The following POLDIP2 variants were observed in gnomAD, a reference collection of about 807,000 sequenced individuals.
The protein encoded by POLDIP2 is polymerase delta-interacting protein 2.
Under a neutral mutation model 52.9 loss-of-function variants are expected in POLDIP2, and 32 were observed. That is an observed-to-expected ratio of 0.61 (90% CI 0.46 to 0.81). The LOEUF (loss-of-function observed/expected upper bound fraction) is 0.81. Among genes scored for constraint, POLDIP2 ranks in the 40% least tolerant of loss-of-function variants. The pLI is 0.00. For synonymous variants in POLDIP2, 183 were observed against 183.0 expected (o/e 1.00, Z 0.00); for missense variants, 371 against 477.3 (o/e 0.78, Z 2.07).
At chr17:28,350,051 G>A (rs554232339) in intron 9 of POLDIP2, among the ~76,000 whole-genome samples, 42 of 152,220 alleles carry the variant, frequency 2.8e-4, no homozygotes, top group African/African-American at 1.0e-3. Context: ...ACATGTAAAG[G>A]GGCAAAGAGG....
chr17:28,349,466 A>C (rs1555579534), intron 9 of POLDIP2, among the ~76,000 whole-genome samples: 2 of 149,418 alleles, frequency 1.3e-5, no homozygotes, highest in Non-Finnish European at 2.9e-5. Context: ...CCACAAAAAA[A>C]AAAAAAAAAA....
rs1907589491 is a variant in POLDIP2 at position 28,346,838 on chromosome 17, G to T, written c.*1279C>A. 6.6e-6 allele frequency: 1 copy of T among 152,218 alleles called. No homozygotes were observed. The highest frequency in any genetic ancestry group is 2.1e-4 in the South Asian group (1 of 4,832). The allele number at this position is 152,218 out of a possible 1,614,324, so 9.4% of individuals were successfully genotyped here. A position where few individuals can be genotyped will look rare whatever the true frequency, so the allele number is the denominator to read the frequency against. ...CTGGCAGCCTGCTGTTAACAACACA[G>T]GCCAGTATTGGGTTTTATTGAATTT... On this transcript the variant is annotated 3_prime_UTR_variant, in exon 11 of 11. Coordinates refer to ENST00000540200, the MANE Select transcript of POLDIP2 (RefSeq NM_015584.5).
chr17:28,354,473 C>T lies in POLDIP2; in HGVS notation c.341+15G>A. 1.3e-6 allele frequency: 2 copies of T among 1,535,434 alleles called. No homozygotes were observed. Among genetic ancestry groups the T allele is most frequent in the African/African-American group, 1.4e-5 (1 of 72,878 alleles). ...TCCTGAGGATACTGTGAGGCACAAC[C>T]ACAGGGAAACTTACTTTTCTGGAGC... On this transcript the variant is annotated intron_variant, in intron 3 of 10. Coordinates refer to ENST00000540200, the MANE Select transcript of POLDIP2 (RefSeq NM_015584.5).
intron 7 of POLDIP2, among the ~76,000 whole-genome samples, chr17:28,351,313 T>G (rs1907786195): frequency 6.6e-6 from 1 of 152,210 alleles, no homozygotes; most frequent in Non-Finnish European, 1.5e-5. Flanking sequence ...CTGCACATGC[T>G]TACAGCCAGG....
Position 28,355,794 on chromosome 17 carries a change from C to T in POLDIP2, c.243+1G>A. ...GAAAGATGACCCAGCCCAATACTCA[C>T]CTGCCCGGTCTCATATTTTCCATTC... On this transcript the variant is annotated splice_donor_variant, in intron 2 of 10. Coordinates refer to ENST00000540200, the MANE Select transcript of POLDIP2 (RefSeq NM_015584.5). LOFTEE classifies it high-confidence loss of function. The T allele has an allele frequency of 6.2e-7, 1 of 1,609,740 alleles. No homozygotes were observed. Among genetic ancestry groups the T allele is most frequent in the Non-Finnish European group, 8.5e-7 (1 of 1,177,466 alleles).
Position 28,353,148 on chromosome 17 carries a change from T to C in POLDIP2, c.514+93A>G, listed in dbSNP as rs533875961. 3.2e-4 allele frequency: 241 copies of C among 763,598 alleles called. No individual in the cohort carries two copies. In the African/African-American group the frequency reaches 3.8e-3, roughly 12 times the overall value. 47.3% of individuals were successfully genotyped at this position (763,598 alleles called of 1,614,324 possible). A position where few individuals can be genotyped will look rare whatever the true frequency, so the allele number is the denominator to read the frequency against. On this transcript the variant is annotated intron_variant, in intron 5 of 10. Coordinates refer to ENST00000540200, the MANE Select transcript of POLDIP2 (RefSeq NM_015584.5). ...GATATCATACCTCTCAGCATCATAA[T>C]CCCTCCCAGTGGATGACAGGACATC...
intron 1 of POLDIP2, among the ~76,000 whole-genome samples, chr17:28,356,839 A>T (rs1908060131): frequency 6.6e-6 from 1 of 152,074 alleles, no homozygotes; most frequent in African/African-American, 2.4e-5. Flanking sequence ...CAGATAGAAA[A>T]TCGATCTCCC....
Position 28,347,956 on chromosome 17 carries a change from TGAA to T in POLDIP2, c.*158_*160del. 1 of 605,316 alleles carries T rather than the reference TGAA, an allele frequency of 1.7e-6. No individual in the cohort carries two copies. Among genetic ancestry groups the T allele is most frequent in the East Asian group, 2.8e-5 (1 of 36,062 alleles). 37.5% of individuals were successfully genotyped at this position (605,316 alleles called of 1,614,324 possible). A position where few individuals can be genotyped will look rare whatever the true frequency, so the allele number is the denominator to read the frequency against. ...TTGGAGGTGTCCCACATGGGTCTTCTGAAGAAAAGTTATACCACCCCTCCCCAC... is the reference window on the plus strand; with the variant it reads ...TTGGAGGTGTCCCACATGGGTCTTCTGAAAAGTTATACCACCCCTCCCCAC... On this transcript the variant is annotated 3_prime_UTR_variant, in exon 11 of 11. Coordinates refer to ENST00000540200, the MANE Select transcript of POLDIP2 (RefSeq NM_015584.5).
At chr17:28,353,636 T>G in intron 4 of POLDIP2, 59 bp downstream of exon 4, 2 of 1,192,852 alleles carry the variant, frequency 1.7e-6, no homozygotes, top group Non-Finnish European at 2.5e-6. Flanking sequence ...TTTGTCCCCA[T>G]TGGGATGCAG....
chr17:28,349,634 C>T (rs1555579583), intron 9 of POLDIP2, among the ~76,000 whole-genome samples: 1 of 151,824 alleles, frequency 6.6e-6, no homozygotes, highest in African/African-American at 2.4e-5. Context: ...TCTCTAAAAA[C>T]AAAGGACCTC....
chr17:28,353,697 T>C lies in POLDIP2; in HGVS notation c.436A>G (p.Ile146Val), dbSNP rs1385097288. 1.4e-5 allele frequency: 23 copies of C among 1,607,308 alleles called. No homozygotes were observed. Among genetic ancestry groups the C allele is most frequent in the East Asian group, 6.7e-5 (3 of 44,766 alleles). ...VLIDARDCPH[I>V]SQRSQTEAVT... ...GCCCAGCCATCTTGCTTACTTACTATATGTGGGCAGTCACGAGCATCAATC... is the reference window on the plus strand; with the variant it reads ...GCCCAGCCATCTTGCTTACTTACTACATGTGGGCAGTCACGAGCATCAATC... The change falls in exon 4 of 11, where the codon ATA becomes GTA. Residue 146 changes from isoleucine to valine, a missense_variant and splice_region_variant. Transcript: ENST00000540200.
chr17:28,352,483 G>A lies in POLDIP2; in HGVS notation c.622+429C>T, dbSNP rs182230901. Among the ~76,000 whole-genome samples, 510 of 150,684 alleles carry A rather than the reference G, an allele frequency of 3.4e-3. 2 individuals carry two copies. The highest frequency in any genetic ancestry group is 7.1e-3 in the Middle Eastern group (2 of 280). On this transcript the variant is annotated intron_variant, in intron 6 of 10. Transcript: ENST00000540200. ...GATCTCTTGACCTAGTGATCTGCCC[G>A]TGTCAGCCTCCCAAAGTGCTGGAGT...
At chr17:28,352,237 C>CTTATTTTTTTTTTTTTTT (rs1907823329) in intron 6 of POLDIP2, among the ~76,000 whole-genome samples, 1 of 87,682 alleles carries the variant, frequency 1.1e-5, no homozygotes, top group African/African-American at 4.9e-5. Context: ...GGAATTATTT[C>CTTATTTTTTTTTTTTTTT]TTTTTTTTTT....
In POLDIP2 at chr17:28,350,775, G is replaced by A. The variant is rs547773834; in HGVS notation, c.777C>T (p.His259=). Residue 259 remains histidine, a synonymous_variant, in exon 8 of 11, where the codon CAC becomes CAT. Coordinates refer to ENST00000540200, the MANE Select transcript of POLDIP2 (RefSeq NM_015584.5). ...YMGMREAQNS[H]VYWWRYCIRL... ...AGACAGTGACACTCACCCAGTACAC[G>A]TGGGAATTCTGGGCTTCCTAGGGAG... 56 of 1,595,162 alleles carry A rather than the reference G, an allele frequency of 3.5e-5. No homozygotes were observed. The highest frequency in any genetic ancestry group is 4.4e-5 in the Non-Finnish European group (51 of 1,170,756).
At chr17:28,349,459 CAAAAAAAAAAA>C (rs11357551) in intron 9 of POLDIP2, among the ~76,000 whole-genome samples, 5 of 73,366 alleles carry the variant, frequency 6.8e-5, no homozygotes, top group South Asian at 5.1e-4. Flanking sequence ...CCCATCTCCA[CAAAAAAAAAAA>C]AAAAAAAAAA....
At chr17:28,353,832 A>C in intron 3 of POLDIP2, 41 bp from the exon 4 acceptor site, 1 of 1,351,184 alleles carries the variant, frequency 7.4e-7, no homozygotes, top group South Asian at 1.2e-5. Context: ...CCCCAGGAGA[A>C]ATGGAAGCTG....
intron 8 of POLDIP2, 39 bp downstream of exon 8, chr17:28,350,727 A>G: frequency 6.3e-7 from 1 of 1,591,950 alleles, no homozygotes; most frequent in Non-Finnish European, 8.6e-7. Context: ...CCCCAGGCAC[A>G]CCCCACAAGC....
intron 5 of POLDIP2, 28 bp downstream of exon 5, chr17:28,353,213 G>A (rs139398241): frequency 1.6e-4 from 191 of 1,165,750 alleles, no homozygotes; most frequent in East Asian, 6.6e-4. Flanking sequence ...CCTTCTTGAC[G>A]GGCACCATTC....
chr17:28,353,732 T>G lies in POLDIP2; in HGVS notation c.401A>C (p.Tyr134Ser). 6.2e-7 allele frequency: 1 copy of G among 1,613,222 alleles called. No homozygotes were observed. The highest frequency in any genetic ancestry group is 8.5e-7 in the Non-Finnish European group (1 of 1,179,546). The change falls in exon 4 of 11, where the codon TAT (tyrosine) becomes TCT (serine). Residue 134 changes from tyrosine (Y) to serine (S), a missense_variant. By Grantham distance (144) the Tyr-to-Ser change is moderately radical (BLOSUM62 -2). Transcript: ENST00000540200. ...KEVKGKTHTYYQVLIDARDCP... is the reference protein window; with the variant it reads ...KEVKGKTHTYSQVLIDARDCP... ...GTCACGAGCATCAATCAGCACCTGA[T>G]AGTAAGTGTGAGTTTTGCCTTTCAC...
Sources: gnomAD v4.1 joint callset for allele counts (sites outside exome capture counted in the v4.1 genomes callset) on GRCh38, gnomAD v4.1.1 for gene constraint, MANE v1.5 for transcripts, NCBI Gene and HGNC (gene_info 2026-07-23, HGNC 2026-07-21) for gene names.